The following MAST2 variants were observed in gnomAD, a reference collection of about 807,000 sequenced individuals.
MAST2 encodes microtubule-associated serine/threonine-protein kinase 2.
Under a neutral mutation model 147.4 loss-of-function variants are expected in MAST2, and 70 were observed. The observed-to-expected ratio is 0.47, with a 90% CI of 0.39 to 0.58. The LOEUF is 0.58. Among genes scored for constraint, MAST2 ranks in the 20% least tolerant of loss-of-function variants. The pLI, the probability that MAST2 is intolerant of heterozygous loss-of-function variation, is 0.00. For synonymous variants in MAST2, 869 were observed against 896.8 expected (o/e 0.97, Z 0.55); for missense variants, 2,080 against 2,302.3 (o/e 0.90, Z 1.98).
chr1:45,874,714 A>G (rs1646528259), intron 3 of MAST2, among the ~76,000 whole-genome samples: 1 of 152,200 alleles, frequency 6.6e-6, no homozygotes, highest in Non-Finnish European at 1.5e-5. Flanking sequence ...GGGTGCCAGG[A>G]ATGTCCTTGA....
chr1:46,023,318 G>C lies in MAST2; in HGVS notation c.1571G>C (p.Gly524Ala). The C allele has an allele frequency of 6.2e-7, 1 of 1,613,900 alleles. No homozygotes were observed. Among genetic ancestry groups the C allele is most frequent in the Non-Finnish European group, 8.5e-7 (1 of 1,179,886 alleles). ...TIKLISNGAY[G>A]AVFLVRHKST... is the part of the protein sequence containing the mutation. ...AAGCTCATCAGCAATGGCGCCTATG[G>C]GTAAAGGCAGGGGTCAGGGTGTGGC... The change falls in exon 14 of 29, where the codon GGG (glycine) becomes GCG (alanine). Residue 524 changes from glycine (G) to alanine (A), a missense_variant and splice_region_variant. Gly to Ala is a moderately conservative substitution (Grantham distance 60). Transcript: ENST00000361297. The surrounding 1 kb of genome is among the most constrained non-coding windows in gnomAD (Gnocchi z 4.9).
intron 4 of MAST2, among the ~76,000 whole-genome samples, chr1:45,889,504 T>C (rs978199960): frequency 3.9e-5 from 6 of 152,210 alleles, no homozygotes; most frequent in Non-Finnish European, 8.8e-5. Context: ...AATTTTTTCT[T>C]ACTCTTAGGA....
At chr1:45,877,674 A>T (rs966819940) in intron 3 of MAST2, among the ~76,000 whole-genome samples, 6 of 152,236 alleles carry the variant, frequency 3.9e-5, no homozygotes, top group Non-Finnish European at 5.9e-5. Flanking sequence ...AGATACTTTT[A>T]TTAGTGAAAG....
intron 3 of MAST2, among the ~76,000 whole-genome samples, chr1:45,876,897 C>G (rs1279248034): frequency 6.6e-6 from 1 of 152,104 alleles, no homozygotes. Flanking sequence ...TATTGTTAGC[C>G]AAAACTGTAG....
At chr1:45,946,117 C>T (rs531220901) in intron 4 of MAST2, among the ~76,000 whole-genome samples, 3 of 152,312 alleles carry the variant, frequency 2.0e-5, no homozygotes, top group Non-Finnish European at 4.4e-5. Flanking sequence ...AGGCACTGTC[C>T]TGGACACTGG....
chr1:46,027,675 C>T, intron 16 of MAST2, 56 bp from the exon 17 acceptor site: 1 of 1,575,864 alleles, frequency 6.3e-7, no homozygotes, highest in Non-Finnish European at 8.6e-7. Flanking sequence ...ATACTAAAAT[C>T]AGTACTCTCA....
At chr1:45,892,590 C>G (rs1648010108) in intron 4 of MAST2, among the ~76,000 whole-genome samples, 1 of 152,162 alleles carries the variant, frequency 6.6e-6, no homozygotes, top group Non-Finnish European at 1.5e-5. Context: ...CCAAGCAATG[C>G]TATTGGAAGC....
intron 22 of MAST2, 24 bp downstream of exon 22, chr1:46,030,785 G>T: frequency 6.4e-7 from 1 of 1,550,708 alleles, no homozygotes; most frequent in Non-Finnish European, 8.7e-7. Context: ...GTTCACCCAG[G>T]GTGGGCGACA....
rs569179102 is a variant in MAST2, at chr1:46,008,283, C to A, written c.903-13C>A. On this transcript the variant is annotated splice_polypyrimidine_tract_variant and intron_variant, in intron 8 of 28. Transcript: ENST00000361297. ...TAGCACTAAAGTAACACAATCATTT[C>A]TTTCTTTTTTAGTCCCGGACGATCC... 19 of 1,593,182 alleles carry A rather than the reference C, an allele frequency of 1.2e-5. No individual in the cohort carries two copies. The East Asian group carries it at 1.6e-4, about 13-fold the overall frequency.
chr1:45,859,965 C>T (rs780351227), intron 3 of MAST2, among the ~76,000 whole-genome samples: 3 of 152,120 alleles, frequency 2.0e-5, no homozygotes, highest in Non-Finnish European at 4.4e-5. Context: ...CAAGTTTCTA[C>T]TACACTGTTT....
chr1:45,986,499 A>C (rs1644624023), intron 5 of MAST2, among the ~76,000 whole-genome samples: 2 of 152,052 alleles, frequency 1.3e-5, no homozygotes, highest in Admixed American at 1.3e-4. Flanking sequence ...GCGGATCACG[A>C]GGTTAGGAGC....
intron 4 of MAST2, among the ~76,000 whole-genome samples, chr1:45,915,588 T>C (rs1316440295): frequency 6.6e-6 from 1 of 151,644 alleles, no homozygotes; most frequent in Non-Finnish European, 1.5e-5. Flanking sequence ...CGGGCGCCTG[T>C]AATCCCAGCT....
At chr1:45,934,537 T>C (rs1655895022) in intron 4 of MAST2, among the ~76,000 whole-genome samples, 2 of 152,088 alleles carry the variant, frequency 1.3e-5, no homozygotes, top group South Asian at 4.1e-4. Flanking sequence ...GTGATTCTCA[T>C]GCTTCAGCTT....
At position 46,035,574 on chromosome 1, in the gene MAST2, G is replaced by A. The variant is rs899954350; in HGVS notation, c.4905G>A (p.Ser1635=). The A allele has an allele frequency of 9.9e-6, 16 of 1,613,544 alleles. No homozygotes were observed. The highest frequency in any genetic ancestry group is 8.8e-5 in the South Asian group (8 of 91,056). ...QALTALSPST[S]GLTPTSSCSP... ...TAACAGCACTTTCTCCCAGCACTTC[G>A]GGACTCACCCCCACCAGCAGTTGCT... Residue 1635 remains serine, a synonymous_variant, in exon 29 of 29, where the codon TCG becomes TCA. Transcript: ENST00000361297. This position sits in a 1 kb window ranked among gnomAD's most constrained non-coding sequence, Gnocchi z 5.5.
At chr1:46,015,687 C>T (rs969760184) in intron 10 of MAST2, among the ~76,000 whole-genome samples, 3 of 152,118 alleles carry the variant, frequency 2.0e-5, no homozygotes, top group Non-Finnish European at 4.4e-5. Flanking sequence ...TAATCAATAG[C>T]TTACCAACCA....
chr1:45,969,177 T>C (rs1036904615), intron 5 of MAST2, among the ~76,000 whole-genome samples: 1 of 152,358 alleles, frequency 6.6e-6, no homozygotes, highest in Middle Eastern at 3.4e-3. Flanking sequence ...TCCTGTCATA[T>C]CTGACTCTGG....
intron 19 of MAST2, 100 bp downstream of exon 19, chr1:46,029,667 C>G: frequency 7.3e-7 from 1 of 1,374,250 alleles, no homozygotes. Flanking sequence ...CGGGCAGCCC[C>G]TCTGGATCCT....
At chr1:45,958,947 A>G (rs1166971748) in intron 4 of MAST2, among the ~76,000 whole-genome samples, 1 of 152,222 alleles carries the variant, frequency 6.6e-6, no homozygotes, top group African/African-American at 2.4e-5. Flanking sequence ...TAATTCACGG[A>G]CTAAACGTTC....
intron 6 of MAST2, among the ~76,000 whole-genome samples, chr1:45,998,235 G>T (rs1367102467): frequency 6.6e-6 from 1 of 152,220 alleles, no homozygotes; most frequent in South Asian, 2.1e-4. Flanking sequence ...CAGCTGAAAG[G>T]GCTCTTTGTG....
Sources: allele counts gnomAD v4.1 joint callset (sites outside exome capture counted in the v4.1 genomes callset), GRCh38; gene constraint gnomAD v4.1.1; non-coding constraint Gnocchi (gnomAD v3.1); transcripts MANE v1.5; gene names NCBI Gene and HGNC (gene_info 2026-07-23, HGNC 2026-07-21).